The following TNRC6B variants were observed in gnomAD, a reference collection of about 807,000 sequenced individuals.
TNRC6B encodes trinucleotide repeat-containing gene 6B protein.
A neutral mutation model predicts 203.6 loss-of-function variants in TNRC6B; 52 were observed. That is an observed-to-expected ratio of 0.26 (90% CI 0.20 to 0.32). TNRC6B has a LOEUF of 0.32. Among genes scored for constraint, TNRC6B ranks in the 10% least tolerant of loss-of-function variants. The pLI is 1.00. For missense variants in TNRC6B, 1,923 were observed against 2,286.2 expected (o/e 0.84, Z 3.24); for synonymous variants, 838 against 845.7 (o/e 0.99, Z 0.16).
chr22:40,157,419 G>C (rs915786341), intron 4 of TNRC6B, among the ~76,000 whole-genome samples: 3 of 151,958 alleles, frequency 2.0e-5, no homozygotes, highest in African/African-American at 7.3e-5. Flanking sequence ...AAAACCCTTA[G>C]GAATAAATTA....
upstream of TNRC6B, among the ~76,000 whole-genome samples, chr22:40,173,789 ATATATTTTTT>A: frequency 2.3e-5 from 1 of 43,068 alleles, no homozygotes; most frequent in African/African-American, 1.3e-4. Context: ...ATATATATAT[ATATATTTTTT>A]TTTTTTTTTT....
At chr22:40,281,864 G>C (rs950778771) in intron 11 of TNRC6B, among the ~76,000 whole-genome samples, 1 of 152,188 alleles carries the variant, frequency 6.6e-6, no homozygotes, top group African/African-American at 2.4e-5. Flanking sequence ...CCTGGGGTTG[G>C]ATCTGGCAAC....
At chr22:40,259,428 C>T (rs767834314) in intron 3 of TNRC6B, among the ~76,000 whole-genome samples, 5 of 152,112 alleles carry the variant, frequency 3.3e-5, no homozygotes, top group Admixed American at 1.3e-4. Flanking sequence ...TTCACAATGT[C>T]GGCCAGGATG....
chr22:40,314,139 G>A (rs1314293978), intron 19 of TNRC6B, among the ~76,000 whole-genome samples: 1 of 152,068 alleles, frequency 6.6e-6, no homozygotes, highest in African/African-American at 2.4e-5. Flanking sequence ...CTGAGAGATG[G>A]CCCAAGAATC....
chr22:40,239,031 C>T (rs1303444219), intron 1 of TNRC6B, among the ~76,000 whole-genome samples: 5 of 152,068 alleles, frequency 3.3e-5, no homozygotes, highest in African/African-American at 4.8e-5. Flanking sequence ...AGTGAGACCC[C>T]GTCTCTACTA....
chr22:40,213,095 C>T (rs1193989565), intron 1 of TNRC6B, among the ~76,000 whole-genome samples: 1 of 152,186 alleles, frequency 6.6e-6, no homozygotes, highest in Non-Finnish European at 1.5e-5. Context: ...CTGATATTCT[C>T]CTTCCTTTCT....
chr22:40,260,029 G>T (rs966350998), intron 3 of TNRC6B, among the ~76,000 whole-genome samples: 1 of 152,108 alleles, frequency 6.6e-6, no homozygotes, highest in Non-Finnish European at 1.5e-5. Flanking sequence ...CTGTATGTTC[G>T]ACGGGAAGAG....
intron 1 of TNRC6B, among the ~76,000 whole-genome samples, chr22:40,109,589 G>GT (rs1447488227): frequency 6.6e-6 from 1 of 152,088 alleles, no homozygotes; most frequent in Non-Finnish European, 1.5e-5. Context: ...TACTTCTGAT[G>GT]TTTCATAGTT....
chr22:40,323,289 C>T lies in TNRC6B; in HGVS notation c.*48C>T, dbSNP rs760686995. ...CTCGTGACCTTTTTTGGAACAGCAG[C>T]AGCACTAACTTGACCTTTTCGTTTT... On this transcript the variant is annotated 3_prime_UTR_variant, in exon 23 of 23. Transcript: ENST00000454349. 5.1e-6 allele frequency: 8 copies of T among 1,565,712 alleles called. No individual in the cohort carries two copies. In the South Asian group the frequency reaches 9.4e-5, roughly 18 times the overall value.
chr22:40,154,891 ATATACATATATATATATATT>A (rs1357656428), intron 3 of TNRC6B, among the ~76,000 whole-genome samples: 3 of 43,318 alleles, frequency 6.9e-5, no homozygotes, highest in African/African-American at 4.8e-4. Flanking sequence ...ATATATATAT[ATATACATATATATATATATT>A]CTGCTTCAAT....
Position 40,315,350 on chromosome 22 carries a change from C to T in TNRC6B, c.4746C>T (p.Ser1582=). 1 of 1,614,006 alleles carries T rather than the reference C, an allele frequency of 6.2e-7. No individual in the cohort carries two copies. ...TAGGACACAACCCCACTCATCTCTC[C>T]AACAAGATGTGGAAAAACCATATTT... ...DPIGHNPTHL[S]NKMWKNHISS... is the part of the protein sequence containing the mutation. Residue 1582 remains serine, a synonymous_variant, in exon 20 of 23, where the codon TCC becomes TCT. Coordinates refer to ENST00000454349, the MANE Select transcript of TNRC6B (RefSeq NM_001162501.2).
At chr22:40,311,107 T>C in intron 17 of TNRC6B, 114 bp downstream of exon 17, 2 of 1,209,462 alleles carry the variant, frequency 1.7e-6, no homozygotes, top group South Asian at 3.1e-5. Flanking sequence ...GCTTTTATTT[T>C]TTTCATTCAA....
chr22:40,277,049 T>C lies in TNRC6B; in HGVS notation c.3142-28T>C, dbSNP rs748426006. On this transcript the variant is annotated intron_variant, in intron 7 of 22. Coordinates refer to ENST00000454349, the MANE Select transcript of TNRC6B (RefSeq NM_001162501.2). The stretch of plus-strand genomic sequence containing the variant: ...AGGAGGCTGAAATAAATTATTTGGT[T>C]CTGAGGTTCCGTGTTTCATTTCTGT... The C allele has an allele frequency of 1.9e-6, 3 of 1,552,250 alleles. No homozygotes were observed. In the African/African-American group the frequency reaches 4.1e-5, roughly 21 times the overall value.
intron 1 of TNRC6B, among the ~76,000 whole-genome samples, chr22:40,079,826 C>T (rs907614155): frequency 1.3e-5 from 2 of 151,804 alleles, no homozygotes; most frequent in African/African-American, 4.8e-5. Context: ...GATGGAGTCT[C>T]GCTCTGTCGC....
At chr22:40,298,469 G>A (rs887164187) in intron 12 of TNRC6B, among the ~76,000 whole-genome samples, 3 of 152,206 alleles carry the variant, frequency 2.0e-5, no homozygotes, top group Non-Finnish European at 4.4e-5. Context: ...CAAGGGAACT[G>A]TAATCATTGT....
chr22:40,284,061 C>T (rs546632402), intron 11 of TNRC6B, among the ~76,000 whole-genome samples: 1 of 152,318 alleles, frequency 6.6e-6, no homozygotes, highest in African/African-American at 2.4e-5. Flanking sequence ...GGTGGCGAAG[C>T]TACTGACTAC....
At chr22:40,227,112 ATTATTT>A (rs952715194) in intron 1 of TNRC6B, among the ~76,000 whole-genome samples, 5 of 141,440 alleles carry the variant, frequency 3.5e-5, no homozygotes, top group African/African-American at 1.4e-4. Flanking sequence ...TATTATTATT[ATTATTT>A]GTATTTTATT....
chr22:40,189,389 G>A (rs1484618087), intron 1 of TNRC6B, among the ~76,000 whole-genome samples: 1 of 151,808 alleles, frequency 6.6e-6, no homozygotes, highest in African/African-American at 2.4e-5. Flanking sequence ...GTTTCACGAA[G>A]GCACATCTCT....
chr22:40,150,853 T>A (rs1050508005), intron 3 of TNRC6B, among the ~76,000 whole-genome samples: 1 of 152,116 alleles, frequency 6.6e-6, no homozygotes, highest in Non-Finnish European at 1.5e-5. Flanking sequence ...GCTGTAGGCA[T>A]CTGAAGGTCC....
Sources: gnomAD v4.1 joint callset for allele counts (sites outside exome capture counted in the v4.1 genomes callset) on GRCh38, gnomAD v4.1.1 for gene constraint, MANE v1.5 for transcripts, NCBI Gene and HGNC (gene_info 2026-07-23, HGNC 2026-07-21) for gene names.